CLOCK: variants seen among roughly 807,000 people sequenced by gnomAD.
CLOCK encodes circadian locomoter output cycles protein kaput.
CLOCK carries 43 observed loss-of-function variants against 118.4 expected under a neutral mutation model. The ratio of observed to expected loss-of-function variants is 0.36; its 90% CI spans 0.28 to 0.47. The LOEUF is 0.47. CLOCK is among the 20% of genes least tolerant of loss of function. The pLI is 1.00. For synonymous variants in CLOCK, 326 were observed against 339.2 expected, an observed-to-expected ratio of 0.96 and a Z score of 0.43; for missense variants, 846 against 999.9, an observed-to-expected ratio of 0.85 and a Z score of 2.08.
At chr4:55,444,509 A>T in intron 19 of CLOCK, 124 bp downstream of exon 19, 1 of 1,160,812 alleles carries the variant, frequency 8.6e-7, no homozygotes, top group Non-Finnish European at 1.3e-6. Flanking sequence ...ACCAGTGAAT[A>T]TTTATTGAAC....
At chr4:55,511,676 T>C (rs377300808) in intron 1 of CLOCK, among the ~76,000 whole-genome samples, 1 of 152,162 alleles carries the variant, frequency 6.6e-6, no homozygotes, top group African/African-American at 2.4e-5. Flanking sequence ...ATTTTATGAA[T>C]TTGGACAAAC....
Position 55,443,703 on chromosome 4 carries a change from T to A in CLOCK, c.1886A>T (p.Gln629Leu). The change falls in exon 20 of 23, where the codon CAG becomes CTG. Residue 629 changes from glutamine (Q) to leucine (L), a missense_variant. By Grantham distance (113) the Gln-to-Leu change is moderately radical. Transcript: ENST00000513440. ...TQHMIQQQTL[Q>L]STSTQSQQNV... ...TAACATTACCTGAGTTGATGTACTC[T>A]GTAAAGTCTGTTGTTGTATCATGTG... 1 of 1,614,052 alleles carries A rather than the reference T, an allele frequency of 6.2e-7. No homozygotes were observed. Among genetic ancestry groups the A allele is most frequent in the South Asian group, 1.1e-5 (1 of 91,078 alleles).
Position 55,434,026 on chromosome 4 carries a change from T to A in CLOCK, c.*1389A>T, listed in dbSNP as rs1722693992. Reference sequence around the variant, plus strand: ...ATAGTGTTAGGTTATCATCTTTTATTTCTAAATTATTTGTACCTCCAGTCC... The same window carrying A: ...ATAGTGTTAGGTTATCATCTTTTATATCTAAATTATTTGTACCTCCAGTCC... On this transcript the variant is annotated 3_prime_UTR_variant, in exon 23 of 23. Transcript: ENST00000513440. 6.6e-6 allele frequency: 1 copy of A among 152,592 alleles called. No homozygotes were observed. The highest frequency in any genetic ancestry group is 1.5e-5 in the Non-Finnish European group (1 of 68,036). 9.5% of individuals were successfully genotyped at this position (152,592 alleles called of 1,614,324 possible).
chr4:55,459,936 G>C (rs893985165), intron 9 of CLOCK, among the ~76,000 whole-genome samples: 3 of 152,292 alleles, frequency 2.0e-5, no homozygotes, highest in Middle Eastern at 3.4e-3. Flanking sequence ...TTATAGGCGA[G>C]AGCCACTGCA....
At chr4:55,437,721 G>A (rs1722995868) in intron 22 of CLOCK, among the ~76,000 whole-genome samples, 1 of 152,162 alleles carries the variant, frequency 6.6e-6, no homozygotes, top group African/African-American at 2.4e-5. Flanking sequence ...CACGCAGTAC[G>A]TGGTGCAGCA....
chr4:55,457,248 G>A (rs933610611), intron 11 of CLOCK, among the ~76,000 whole-genome samples: 3 of 151,988 alleles, frequency 2.0e-5, no homozygotes, highest in South Asian at 2.1e-4. Flanking sequence ...ACAATTTTCC[G>A]TATTATTCTA....
rs183625679 is a variant in CLOCK, at chr4:55,442,611, C to A, written c.1926G>T (p.Gly642=). Residue 642 remains glycine, a synonymous_variant, in exon 21 of 23, where the codon GGG becomes GGT. Coordinates refer to ENST00000513440, the MANE Select transcript of CLOCK (RefSeq NM_004898.4). ...TGGGTAGAGATGTTTGCTGACTGTG[C>A]CCACTCAGTACATTTTGTTGACTCT... The part of the protein sequence containing the change: ...STQSQQNVLS[G]HSQQTSLPSQ... The A allele has an allele frequency of 8.3e-5, 134 of 1,612,646 alleles. No individual in the cohort carries two copies. Among genetic ancestry groups the A allele is most frequent in the Admixed American group, 4.0e-4 (24 of 59,830 alleles).
intron 22 of CLOCK, 147 bp from the exon 23 acceptor site, chr4:55,435,741 C>A: frequency 2.4e-6 from 2 of 843,474 alleles, no homozygotes; most frequent in Non-Finnish European, 3.8e-6. Context: ...TTTAAAAATT[C>A]TAATTTGGAA....
chr4:55,514,143 T>C lies in CLOCK; in HGVS notation c.-289-4078A>G, dbSNP rs540931406. Among the ~76,000 whole-genome samples the C allele has an allele frequency of 6.6e-5, 10 of 152,232 alleles. No homozygotes were observed. In the South Asian group the frequency reaches 1.0e-3, roughly 16 times the overall value. ...GCATTAGCTAGAACTTCCAGTATGA[T>C]GTGAAAAGGAGTGGTAAAACGGGAC... On this transcript the variant is annotated intron_variant, in intron 1 of 22. Transcript: ENST00000513440.
At chr4:55,444,832 TACTC>T (rs1039433450) in intron 18 of CLOCK, 47 bp from the exon 19 acceptor site, 5 of 1,571,310 alleles carry the variant, frequency 3.2e-6, no homozygotes, top group Middle Eastern at 1.7e-4. Flanking sequence ...TAGAATTACT[TACTC>T]CTTATAATTG....
chr4:55,431,916 AT>A lies in CLOCK; in HGVS notation c.*3498del, dbSNP rs1342977316. ...TCTTCTCCCTTCAACAGTGCTCTTG[AT>A]GGAGCTGGACTGCTTCAGTGCTCCT... On this transcript the variant is annotated 3_prime_UTR_variant, in exon 23 of 23. Transcript: ENST00000513440. 1.3e-5 allele frequency: 2 copies of A among 152,214 alleles called. No homozygotes were observed. Among genetic ancestry groups the A allele is most frequent in the African/African-American group, 4.8e-5 (2 of 41,458 alleles). 9.4% of individuals were successfully genotyped at this position (152,214 alleles called of 1,614,324 possible).
chr4:55,511,492 G>GTATTAAAT (rs1311440575), intron 1 of CLOCK, among the ~76,000 whole-genome samples: 1 of 151,982 alleles, frequency 6.6e-6, no homozygotes, highest in Non-Finnish European at 1.5e-5. Context: ...ACTGTTTCAG[G>GTATTAAAT]TCCACATAAA....
At position 55,480,194 on chromosome 4, in the gene CLOCK, T is replaced by C. The variant is rs575851315; in HGVS notation, c.48-495A>G. The stretch of plus-strand genomic sequence containing the variant: ...TTTGACAAATATGTATTAGCACTCA[T>C]GTGCTCTGTTCTGGACATGTTTAGT... On this transcript the variant is annotated intron_variant, in intron 4 of 22. Transcript: ENST00000513440. 3.9e-5 allele frequency among the ~76,000 whole-genome samples: 6 copies of C among 152,344 alleles called. No individual in the cohort carries two copies. In the South Asian group the frequency reaches 8.3e-4, roughly 21 times the overall value.
rs753675322 is a variant in CLOCK, at chr4:55,453,100, C to T, written c.1160G>A (p.Arg387Gln). The part of the protein sequence containing the change: ...SYAEVRAERR[R>Q]ELGIEESLPE... The stretch of plus-strand genomic sequence containing the variant: ...AAGAGACTCTTCAATGCCAAGTTCT[C>T]GTCGTCTTTCAGCCCTAACTTCTGC... Residue 387 changes from arginine to glutamine, a missense_variant, in exon 15 of 23, where the codon CGA (arginine) becomes CAA (glutamine). Physicochemically the swap from Arg to Gln is conservative, Grantham distance 43 (BLOSUM62 1). Transcript: ENST00000513440. 6.7e-5 allele frequency: 108 copies of T among 1,612,654 alleles called. No homozygotes were observed. The South Asian group carries it at 1.1e-3, about 17-fold the overall frequency.
rs139902442 is a variant in CLOCK, at chr4:55,514,035, A to C, written c.-289-3970T>G. ...ATTCTTTTGGATCTTCTACATAGAC[A>C]ATCATATCATCTTGCAAACAAAATG... is the stretch of plus-strand genomic sequence containing the variant. On this transcript the variant is annotated intron_variant, in intron 1 of 22. Transcript: ENST00000513440. 1.7e-3 allele frequency among the ~76,000 whole-genome samples: 263 copies of C among 152,246 alleles called. 2 individuals carry two copies. The highest frequency in any genetic ancestry group is 5.9e-3 in the African/African-American group (246 of 41,554).
intron 15 of CLOCK, chr4:55,452,480 T>C (rs577183027): frequency 6.5e-6 from 1 of 152,886 alleles, no homozygotes; most frequent in African/African-American, 2.4e-5. Flanking sequence ...GAATCTGAAG[T>C]AGAGGGTCCA....
At chr4:55,494,562 G>A (rs1168074880) in intron 2 of CLOCK, among the ~76,000 whole-genome samples, 3 of 152,044 alleles carry the variant, frequency 2.0e-5, no homozygotes, top group Admixed American at 1.3e-4. Flanking sequence ...TGGGGACTCG[G>A]GGAGAAGGGA....
intron 8 of CLOCK, among the ~76,000 whole-genome samples, chr4:55,467,537 A>C (rs1297795128): frequency 2.0e-5 from 3 of 152,248 alleles, no homozygotes; most frequent in Non-Finnish European, 4.4e-5. Context: ...GAAAGTGTGA[A>C]CACATTGCAA....
chr4:55,448,601 CGTGTGT>C (rs3034980), intron 18 of CLOCK, among the ~76,000 whole-genome samples, 172 bp downstream of exon 18: 1,855 of 117,012 alleles, frequency 0.016, 26 homozygotes, highest in Middle Eastern at 0.076. Flanking sequence ...CGCACGCGCG[CGTGTGT>C]GTGTGTGTGT....
Sources: gnomAD v4.1 joint callset for allele counts (sites outside exome capture counted in the v4.1 genomes callset) on GRCh38, gnomAD v4.1.1 for gene constraint, MANE v1.5 for transcripts, NCBI Gene and HGNC (gene_info 2026-07-23, HGNC 2026-07-21) for gene names.